Variants in OTC observed in about 807,000 individuals in gnomAD.
The protein encoded by OTC is ornithine transcarbamylase.
A neutral mutation model predicts 30.3 loss-of-function variants in OTC; 3 were observed. That is an observed-to-expected ratio of 0.10 (90% CI 0.05 to 0.26). OTC has a LOEUF of 0.26. OTC is among the 10% of genes least tolerant of loss of function. The probability of loss-of-function intolerance (pLI) is 1.00; values close to 1 mark genes in which losing one functional copy is unlikely to be tolerated. For missense variants in OTC, 194 were observed against 260.3 expected, an observed-to-expected ratio of 0.75 and a Z score of 1.75; for synonymous variants, 111 against 99.7, an observed-to-expected ratio of 1.11 and a Z score of -0.67.
At position 38,398,414 on chromosome X, in the gene OTC, A is replaced by G. The variant is rs186386669; in HGVS notation, c.387-2861A>G. On this transcript the variant is annotated intron_variant, in intron 4 of 9. Coordinates refer to ENST00000039007, the MANE Select transcript of OTC (RefSeq NM_000531.6). The stretch of plus-strand genomic sequence containing the variant: ...TAACAGGTTGGCAGCCTAAGGTCCT[A>G]GCTGCCTAAAATGATTTGAGAGGCT... Among the ~76,000 whole-genome samples, 26 of 112,482 alleles carry G rather than the reference A, an allele frequency of 2.3e-4. No individual in the cohort carries two copies. In the East Asian group the frequency reaches 5.9e-3, roughly 25 times the overall value.
intron 4 of OTC, among the ~76,000 whole-genome samples, chrX:38,383,091 GT>G (rs369396425): frequency 0.015 from 1,599 of 103,894 alleles, 24 homozygotes; most frequent in African/African-American, 0.049. Context: ...TCTGCTTACA[GT>G]TTTTTTTTTT....
At chrX:38,340,593 A>G in the OTC span, among the ~76,000 whole-genome samples, 10 of 105,744 alleles carry the variant, frequency 9.5e-5, no homozygotes, top group South Asian at 1.3e-3. Context: ...CCTACCCCCC[A>G]TAGTATTTAA....
chrX:38,414,288 G>A (rs750538830), intron 9 of OTC, among the ~76,000 whole-genome samples: 10 of 111,859 alleles, frequency 8.9e-5, no homozygotes, highest in South Asian at 3.7e-4. Flanking sequence ...ATTAAACAAC[G>A]TCTTTAAAAC....
intron 3 of OTC, among the ~76,000 whole-genome samples, chrX:38,374,706 T>C (rs2068337304): frequency 9.0e-6 from 1 of 111,214 alleles, no homozygotes; most frequent in African/African-American, 3.3e-5. Flanking sequence ...AAAGAAAGAG[T>C]GTGACTTGGA....
At chrX:38,336,942 A>G in the OTC span, among the ~76,000 whole-genome samples, 1 of 112,360 alleles carries the variant, frequency 8.9e-6, no homozygotes, top group Non-Finnish European at 1.9e-5. Flanking sequence ...ACAGGAAACT[A>G]GCAGACAAGA....
At chrX:38,388,143 A>G (rs2068413119) in intron 4 of OTC, among the ~76,000 whole-genome samples, 1 of 111,727 alleles carries the variant, frequency 9.0e-6, no homozygotes, top group Non-Finnish European at 1.9e-5. Context: ...ACCTAGATGT[A>G]CTGTAACTGG....
the OTC span, among the ~76,000 whole-genome samples, chrX:38,342,342 T>C: frequency 9.1e-6 from 1 of 109,463 alleles, no homozygotes; most frequent in African/African-American, 3.3e-5. Context: ...AGCTCTGGAG[T>C]GGGGTGGGGG....
intron 9 of OTC, among the ~76,000 whole-genome samples, chrX:38,414,436 C>T (rs2068559675): frequency 9.0e-6 from 1 of 111,590 alleles, no homozygotes; most frequent in Admixed American, 9.5e-5. Flanking sequence ...GAGTTACCCA[C>T]TATTATTAGA....
intron 5 of OTC, among the ~76,000 whole-genome samples, chrX:38,402,227 C>T (rs1318744764): frequency 8.9e-6 from 1 of 112,101 alleles, no homozygotes; most frequent in Admixed American, 9.5e-5. Flanking sequence ...ATGTCAGATA[C>T]CAAAGTGGCT....
chrX:38,351,921 T>C (rs534985377), upstream of OTC, among the ~76,000 whole-genome samples: 14 of 110,955 alleles, frequency 1.3e-4, no homozygotes, highest in African/African-American at 4.6e-4. Context: ...CCACCACGTC[T>C]AGCTAATTTT....
upstream of OTC, among the ~76,000 whole-genome samples, chrX:38,351,414 C>T (rs2068215064): frequency 9.0e-6 from 1 of 111,637 alleles, no homozygotes; most frequent in African/African-American, 3.3e-5. Flanking sequence ...CCTTAGAGGG[C>T]TCCCGCTTCT....
intron 9 of OTC, among the ~76,000 whole-genome samples, chrX:38,419,363 T>G (rs1010772789): frequency 8.9e-6 from 1 of 112,404 alleles, no homozygotes; most frequent in African/African-American, 3.2e-5. Flanking sequence ...ATTTTTGATT[T>G]ATGTGAAAAA....
chrX:38,368,795 T>C (rs950362779), intron 2 of OTC, among the ~76,000 whole-genome samples: 1 of 102,164 alleles, frequency 9.8e-6, no homozygotes, highest in African/African-American at 3.6e-5. Context: ...GATGTTCCTA[T>C]AAAACACCTG....
At position 38,367,708 on chromosome X, in the gene OTC, C is replaced by CATTTATTT. The variant is rs200633699; in HGVS notation, c.216+299_216+306dup. 5.5e-4 allele frequency among the ~76,000 whole-genome samples: 60 copies of CATTTATTT among 108,703 alleles called. 1 individual carries two copies. Among genetic ancestry groups the CATTTATTT allele is most frequent in the African/African-American group, 1.0e-3 (31 of 30,238 alleles). 94.4% of individuals were successfully genotyped at this position (108,703 alleles called of 115,157 possible). ...CCTAAGAAATCATTTGTCTGAAAAG[C>CATTTATTT]ATTTATTTATTTATTTATTTATTTA... is the stretch of plus-strand genomic sequence containing the variant. On this transcript the variant is annotated intron_variant, in intron 2 of 9. Coordinates refer to ENST00000039007, the MANE Select transcript of OTC (RefSeq NM_000531.6).
At chrX:38,336,833 A>G in the OTC span, among the ~76,000 whole-genome samples, 1 of 111,310 alleles carries the variant, frequency 9.0e-6, no homozygotes, top group Non-Finnish European at 1.9e-5. Flanking sequence ...AGAGATTTGT[A>G]GATATTAAGA....
intron 1 of OTC, among the ~76,000 whole-genome samples, chrX:38,363,627 A>T (rs1348953749): frequency 9.0e-6 from 1 of 111,175 alleles, no homozygotes; most frequent in Non-Finnish European, 1.9e-5. Context: ...AAAACACATA[A>T]CCAAAATTTG....
intron 1 of OTC, among the ~76,000 whole-genome samples, chrX:38,365,261 G>A (rs2068289808): frequency 8.8e-6 from 1 of 113,139 alleles, no homozygotes; most frequent in East Asian, 2.8e-4. Context: ...TCGAATGGTA[G>A]AAAATACCAA....
chrX:38,363,192 G>C (rs770633201), intron 1 of OTC, among the ~76,000 whole-genome samples: 4 of 111,935 alleles, frequency 3.6e-5, no homozygotes, highest in Middle Eastern at 4.6e-3. Context: ...GTGGTTGATG[G>C]ATGTGAGTTC....
In OTC at chrX:38,352,731, C is replaced by A; in HGVS notation, c.35C>A (p.Ala12Glu). ...LFNLRILLNN[A>E]AFRNGHNFMV... ...AATCTGAGGATCCTGTTAAACAATGCAGCTTTTAGAAATGGTCACAACTTC... is the reference window on the plus strand; with the variant it reads ...AATCTGAGGATCCTGTTAAACAATGAAGCTTTTAGAAATGGTCACAACTTC... The change falls in exon 1 of 10, where the codon GCA (alanine) becomes GAA (glutamate). Residue 12 changes from alanine to glutamate, a missense_variant. Coordinates refer to ENST00000039007, the MANE Select transcript of OTC (RefSeq NM_000531.6). The A allele has an allele frequency of 8.3e-7, 1 of 1,207,872 alleles. No individual in the cohort carries two copies. Among genetic ancestry groups the A allele is most frequent in the Non-Finnish European group, 1.1e-6 (1 of 891,963 alleles).
Sources: gnomAD v4.1 joint callset for allele counts (sites outside exome capture counted in the v4.1 genomes callset) on GRCh38, gnomAD v4.1.1 for gene constraint, MANE v1.5 for transcripts, NCBI Gene and HGNC (gene_info 2026-07-23, HGNC 2026-07-21) for gene names.